Variants in KCNK12 observed in about 807,000 individuals in gnomAD.
The protein encoded by KCNK12 is potassium two pore domain channel subfamily K member 12, also known as potassium channel subfamily K member 12.
In KCNK12, 6 loss-of-function variants were observed where a neutral mutation model predicts 25.3. The observed-to-expected ratio is 0.24, with a 90% CI of 0.13 to 0.47. The LOEUF (loss-of-function observed/expected upper bound fraction) is 0.47. Among genes scored for constraint, KCNK12 ranks in the 20% least tolerant of loss-of-function variants. The pLI is 0.99. For synonymous variants in KCNK12, 331 were observed against 311.1 expected (o/e 1.06, Z -0.67); for missense variants, 444 against 661.7 (o/e 0.67, Z 3.61).
At chr2:47,549,885 G>T (rs938503763) in intron 1 of KCNK12, among the ~76,000 whole-genome samples, 1 of 151,142 alleles carries the variant, frequency 6.6e-6, no homozygotes, top group African/African-American at 2.4e-5. Context: ...AGTGAGCTGA[G>T]ATCGCACCAC....
intron 1 of KCNK12, among the ~76,000 whole-genome samples, chr2:47,567,979 G>T (rs910777142): frequency 3.3e-5 from 5 of 152,134 alleles, no homozygotes; most frequent in South Asian, 2.1e-4. Flanking sequence ...GCCTCCAAAG[G>T]AGCACCGAAT....
In KCNK12 at chr2:47,555,535, G is replaced by A. The variant is rs1489076753; in HGVS notation, c.391+14406C>T. On this transcript the variant is annotated intron_variant, in intron 1 of 1. Coordinates refer to ENST00000327876, the MANE Select transcript of KCNK12 (RefSeq NM_022055.2). This position sits in a 1 kb window ranked among gnomAD's most constrained non-coding sequence, Gnocchi z 4.5. ...TTCCCATAATTTACCACTTCTAGAA[G>A]TCCAAACTCCTTTTATCTCATCATT... 6.6e-6 allele frequency among the ~76,000 whole-genome samples: 1 copy of A among 152,158 alleles called. No homozygotes were observed. Among genetic ancestry groups the A allele is most frequent in the African/African-American group, 2.4e-5 (1 of 41,428 alleles).
chr2:47,514,365 G>A lies in KCNK12; in HGVS notation c.*6542C>T, dbSNP rs1668475079. Among the ~76,000 whole-genome samples, 1 of 152,198 alleles carries A rather than the reference G, an allele frequency of 6.6e-6. No individual in the cohort carries two copies. Among genetic ancestry groups the A allele is most frequent in the African/African-American group, 2.4e-5 (1 of 41,454 alleles). ...GCCCCCGTCAGCCTCCAGGAGCCTG[G>A]AGTCCAGGGACATCAAGGGCGGTCC... is the stretch of plus-strand genomic sequence containing the variant. On this transcript the variant is annotated 3_prime_UTR_variant, in exon 2 of 2. Transcript: ENST00000327876. The surrounding 1 kb of genome is among the most constrained non-coding windows in gnomAD (Gnocchi z 5.0).
At chr2:47,541,915 G>A (rs1229828561) in intron 1 of KCNK12, among the ~76,000 whole-genome samples, 2 of 152,164 alleles carry the variant, frequency 1.3e-5, no homozygotes, top group Non-Finnish European at 2.9e-5. Flanking sequence ...GGAGACTGGG[G>A]CCGCCTGTTT....
Position 47,521,774 on chromosome 2 carries a change from C to G in KCNK12, c.426G>C (p.Gly142=). Residue 142 remains glycine, a synonymous_variant, in exon 2 of 2, where the codon GGG becomes GGC. Coordinates refer to ENST00000327876, the MANE Select transcript of KCNK12 (RefSeq NM_022055.2). ...GCCCGTAGGCGATGAGGAAGGCCTTCCCGCCCACCGTCGCGGGGGTGGTCA... is the reference window on the plus strand; with the variant it reads ...GCCCGTAGGCGATGAGGAAGGCCTTGCCGCCCACCGTCGCGGGGGTGGTCA... ...FGMTTPATVG[G]KAFLIAYGLF... 1.3e-6 allele frequency: 2 copies of G among 1,532,934 alleles called. No homozygotes were observed. The highest frequency in any genetic ancestry group is 1.7e-6 in the Non-Finnish European group (2 of 1,146,318). The allele number at this position is 1,532,934 out of a possible 1,614,324, so 95.0% of individuals were successfully genotyped here.
Position 47,569,090 on chromosome 2 carries a change from AG to A in KCNK12, c.391+850del, listed in dbSNP as rs1231293432. Among the ~76,000 whole-genome samples, 2 of 150,888 alleles carry A rather than the reference AG, an allele frequency of 1.3e-5. No individual in the cohort carries two copies. The highest frequency in any genetic ancestry group is 3.9e-4 in the East Asian group (2 of 5,168). ...GAGGCAGCAATCTGGCCACAGAGGG[AG>A]GGGTGGGGGCCTGAAGGAGTATTGA... On this transcript the variant is annotated intron_variant, in intron 1 of 1. Transcript: ENST00000327876. This position sits in a 1 kb window ranked among gnomAD's most constrained non-coding sequence, Gnocchi z 4.1.
At position 47,570,206 on chromosome 2, in the gene KCNK12, C is replaced by T; in HGVS notation, c.126G>A (p.Leu42=). Residue 42 remains leucine, a synonymous_variant, in exon 1 of 2, where the codon CTG becomes CTA. Coordinates refer to ENST00000327876, the MANE Select transcript of KCNK12 (RefSeq NM_022055.2). ...LNEDTGRFVL[L]AALIGLYLVA... ...CCAGGTAGAGGCCGATGAGCGCCGC[C>T]AGCAGCACGAAGCGGCCGGTGTCCT... 6.7e-7 allele frequency: 1 copy of T among 1,497,078 alleles called. No homozygotes were observed. Among genetic ancestry groups the T allele is most frequent in the Non-Finnish European group, 8.9e-7 (1 of 1,127,540 alleles). The allele number at this position is 1,497,078 out of a possible 1,614,324, so 92.7% of individuals were successfully genotyped here. A position where few individuals can be genotyped will look rare whatever the true frequency, so the allele number is the denominator to read the frequency against.
rs1414610789 is a variant in KCNK12 at position 47,513,886 on chromosome 2, C to G, written c.*7021G>C. Among the ~76,000 whole-genome samples, 2 of 152,190 alleles carry G rather than the reference C, an allele frequency of 1.3e-5. No homozygotes were observed. On this transcript the variant is annotated 3_prime_UTR_variant, in exon 2 of 2. Coordinates refer to ENST00000327876, the MANE Select transcript of KCNK12 (RefSeq NM_022055.2). ...ATCTCTCCACGTCTCTGTGTTCTCACTAGCACTACCTTGGTCCACCCTGCC... is the reference window on the plus strand; with the variant it reads ...ATCTCTCCACGTCTCTGTGTTCTCAGTAGCACTACCTTGGTCCACCCTGCC...
At position 47,560,946 on chromosome 2, in the gene KCNK12, C is replaced by T. The variant is rs1211141147; in HGVS notation, c.391+8995G>A. ...GGGAAGGGGGTCCCGGTGCTTCCTC[C>T]ACCCACCAGGGAGTCATGGTAGCCC... is the stretch of plus-strand genomic sequence containing the variant. On this transcript the variant is annotated intron_variant, in intron 1 of 1. Transcript: ENST00000327876. This position sits in a 1 kb window ranked among gnomAD's most constrained non-coding sequence, Gnocchi z 4.7. Among the ~76,000 whole-genome samples the T allele has an allele frequency of 6.6e-6, 1 of 152,202 alleles. No individual in the cohort carries two copies. The highest frequency in any genetic ancestry group is 1.9e-4 in the East Asian group (1 of 5,182).
At position 47,509,631 on chromosome 2, in the gene KCNK12, C is replaced by G. The variant is rs1482538175; in HGVS notation, c.*11276G>C. ...TGGAGTCACGATTCTGTCACCCAGT[C>G]AGGTCATCAGTGTCAGAGAGCTAGG... On this transcript the variant is annotated 3_prime_UTR_variant, in exon 2 of 2. Coordinates refer to ENST00000327876, the MANE Select transcript of KCNK12 (RefSeq NM_022055.2). Among the ~76,000 whole-genome samples, 2 of 152,226 alleles carry G rather than the reference C, an allele frequency of 1.3e-5. No homozygotes were observed. The highest frequency in any genetic ancestry group is 2.9e-5 in the Non-Finnish European group (2 of 68,032).
At chr2:47,559,284 C>T (rs1349038206) in intron 1 of KCNK12, among the ~76,000 whole-genome samples, 10 of 152,214 alleles carry the variant, frequency 6.6e-5, no homozygotes, top group South Asian at 2.1e-4. Context: ...ATTAAAGCAA[C>T]GGCCCAGCAG....
At chr2:47,568,416 C>T (rs747655632) in intron 1 of KCNK12, among the ~76,000 whole-genome samples, 1 of 151,922 alleles carries the variant, frequency 6.6e-6, no homozygotes, top group African/African-American at 2.4e-5. Flanking sequence ...CATGATATAG[C>T]TTTTTAAAGG....
rs1484550206 is a variant in KCNK12, at chr2:47,555,119, T to C, written c.391+14822A>G. 6.6e-6 allele frequency among the ~76,000 whole-genome samples: 1 copy of C among 152,230 alleles called. No individual in the cohort carries two copies. ...AGTTTTGATACATATTGAATATCCA[T>C]GTGGAGATGTCAAGTGGGCAGTTGG... On this transcript the variant is annotated intron_variant, in intron 1 of 1. Transcript: ENST00000327876. The surrounding 1 kb of genome is among the most constrained non-coding windows in gnomAD (Gnocchi z 4.5).
chr2:47,511,398 G>A lies in KCNK12; in HGVS notation c.*9509C>T, dbSNP rs1668399029. Among the ~76,000 whole-genome samples the A allele has an allele frequency of 2.0e-5, 3 of 152,154 alleles. No individual in the cohort carries two copies. The highest frequency in any genetic ancestry group is 4.8e-5 in the African/African-American group (2 of 41,434). On this transcript the variant is annotated 3_prime_UTR_variant, in exon 2 of 2. Coordinates refer to ENST00000327876, the MANE Select transcript of KCNK12 (RefSeq NM_022055.2). This position sits in a 1 kb window ranked among gnomAD's most constrained non-coding sequence, Gnocchi z 4.3. The stretch of plus-strand genomic sequence containing the variant: ...TTAATATAAATATTTGTGTGCCTGC[G>A]CCTGCATATATGTATTTGGACCAAT...
At position 47,516,583 on chromosome 2, in the gene KCNK12, C is replaced by CA. The variant is rs1213872350; in HGVS notation, c.*4323dup. On this transcript the variant is annotated 3_prime_UTR_variant, in exon 2 of 2. Transcript: ENST00000327876. ...GAAAGCAAACAGCTCAGAGGGGTGG[C>CA]AGGCTGCATTTTATTCATCGTTAAT... 6.6e-6 allele frequency: 1 copy of CA among 152,242 alleles called. No individual in the cohort carries two copies. The highest frequency in any genetic ancestry group is 1.5e-5 in the Non-Finnish European group (1 of 68,072). The allele number at this position is 152,242 out of a possible 1,614,324, so 9.4% of individuals were successfully genotyped here.
In KCNK12 at chr2:47,547,940, G is replaced by A. The variant is rs190940418; in HGVS notation, c.391+22001C>T. Among the ~76,000 whole-genome samples the A allele has an allele frequency of 6.6e-5, 10 of 152,280 alleles. No homozygotes were observed. Among genetic ancestry groups the A allele is most frequent in the Non-Finnish European group, 8.8e-5 (6 of 68,028 alleles). On this transcript the variant is annotated intron_variant, in intron 1 of 1. Transcript: ENST00000327876. This position sits in a 1 kb window ranked among gnomAD's most constrained non-coding sequence, Gnocchi z 5.0. ...TAATCCCCAATGTTGGAGGAGGGGC[G>A]TGGTGGGAAGTGATTGGAACATGGG... is the stretch of plus-strand genomic sequence containing the variant.
rs1487114563 is a variant in KCNK12, at chr2:47,516,794, GC to G, written c.*4112del. On this transcript the variant is annotated 3_prime_UTR_variant, in exon 2 of 2. Transcript: ENST00000327876. ...AAGGGGAAGGGGAAGAGGGTTTGGGGCCAGGTCCGAGTGCAGAAATCCTCAA... is the reference window on the plus strand; with the variant it reads ...AAGGGGAAGGGGAAGAGGGTTTGGGGCAGGTCCGAGTGCAGAAATCCTCAA... The G allele has an allele frequency of 1.3e-5, 2 of 152,230 alleles. No individual in the cohort carries two copies. The highest frequency in any genetic ancestry group is 2.9e-5 in the Non-Finnish European group (2 of 68,084). 9.4% of individuals were successfully genotyped at this position (152,230 alleles called of 1,614,324 possible). A position where few individuals can be genotyped will look rare whatever the true frequency, so the allele number is the denominator to read the frequency against.
intron 1 of KCNK12, chr2:47,527,588 T>A (rs940298120): frequency 5.3e-5 from 8 of 152,354 alleles, no homozygotes; most frequent in African/African-American, 1.9e-4. Flanking sequence ...TCTCCTCCAC[T>A]CTCTGGGGGC....
In KCNK12 at chr2:47,533,231, C is replaced by CTGGCG. The variant is rs1668975749; in HGVS notation, c.392-11424_392-11423insCGCCA. 6.6e-6 allele frequency among the ~76,000 whole-genome samples: 1 copy of CTGGCG among 151,936 alleles called. No homozygotes were observed. The highest frequency in any genetic ancestry group is 2.4e-5 in the African/African-American group (1 of 41,324). ...TTACCATGTTGGCCAGGCTGGTCTC[C>CTGGCG]AACTCCTGACCTCAGGTGATCTGCC... On this transcript the variant is annotated intron_variant, in intron 1 of 1. Coordinates refer to ENST00000327876, the MANE Select transcript of KCNK12 (RefSeq NM_022055.2). This position sits in a 1 kb window ranked among gnomAD's most constrained non-coding sequence, Gnocchi z 4.7.
Sources: allele counts gnomAD v4.1 joint callset (sites outside exome capture counted in the v4.1 genomes callset), GRCh38; gene constraint gnomAD v4.1.1; non-coding constraint Gnocchi (gnomAD v3.1); transcripts MANE v1.5; gene names NCBI Gene and HGNC (gene_info 2026-07-23, HGNC 2026-07-21).